The following SUSD4 variants were observed in gnomAD, a reference collection of about 807,000 sequenced individuals.
SUSD4 encodes the protein sushi domain-containing protein 4.
In SUSD4, 41 loss-of-function variants were observed where a neutral mutation model predicts 50.5. The observed-to-expected ratio is 0.81, with a 90% CI of 0.63 to 1.05. SUSD4 has a LOEUF of 1.05. Among genes scored for constraint, SUSD4 ranks in the 50% least tolerant of loss-of-function variants. The pLI, the probability that SUSD4 is intolerant of heterozygous loss-of-function variation, is 0.00. For missense variants in SUSD4, 580 were observed against 634.7 expected, an observed-to-expected ratio of 0.91 and a Z score of 0.93; for synonymous variants, 257 against 257.3, an observed-to-expected ratio of 1.00 and a Z score of 0.01.
intron 5 of SUSD4, among the ~76,000 whole-genome samples, chr1:223,251,552 TAAG>T (rs1292903059): frequency 7.9e-5 from 12 of 152,186 alleles, no homozygotes; most frequent in Admixed American, 4.6e-4. Context: ...TGTGTCCTTA[TAAG>T]AAGAAGAGGC....
In SUSD4 at chr1:223,231,049, C is replaced by A. The variant is rs747620100; in HGVS notation, c.725-1661G>T. 6.6e-6 allele frequency among the ~76,000 whole-genome samples: 1 copy of A among 152,146 alleles called. No individual in the cohort carries two copies. The highest frequency in any genetic ancestry group is 1.5e-5 in the Non-Finnish European group (1 of 68,026). On this transcript the variant is annotated intron_variant, in intron 5 of 8. Coordinates refer to ENST00000366878, the MANE Select transcript of SUSD4 (RefSeq NM_017982.4). This position sits in a 1 kb window ranked among gnomAD's most constrained non-coding sequence, Gnocchi z 4.2. ...ATTAGTGAGAGCAGGAAGCCACTAC[C>A]GCTCCTGGGCTGGTGGGATGAAGGG... is the stretch of plus-strand genomic sequence containing the variant.
intron 4 of SUSD4, among the ~76,000 whole-genome samples, chr1:223,265,286 A>C (rs1343413214): frequency 1.3e-5 from 2 of 152,254 alleles, no homozygotes; most frequent in Non-Finnish European, 2.9e-5. Flanking sequence ...CTTAGGTTCC[A>C]AACTGAATTC....
intron 7 of SUSD4, among the ~76,000 whole-genome samples, chr1:223,225,433 G>A (rs1420593925): frequency 3.9e-5 from 6 of 152,028 alleles, no homozygotes; most frequent in South Asian, 2.1e-4. Context: ...TCCTTGTCCC[G>A]CAGCTCTTAA....
chr1:223,364,343 G>A (rs1018817731), upstream of SUSD4: 1 of 146,102 alleles, frequency 6.8e-6, no homozygotes, highest in African/African-American at 2.5e-5. This position sits in a 1 kb window ranked among gnomAD's most constrained non-coding sequence, Gnocchi z 4.5. Flanking sequence ...GGCGCGGAGA[G>A]AGGGAGTGGG....
Position 223,238,278 on chromosome 1 carries a change from A to T in SUSD4, c.725-8890T>A, listed in dbSNP as rs181124275. Among the ~76,000 whole-genome samples, 237 of 151,980 alleles carry T rather than the reference A, an allele frequency of 1.6e-3. 1 individual carries two copies. The highest frequency in any genetic ancestry group is 5.5e-3 in the African/African-American group (229 of 41,526). On this transcript the variant is annotated intron_variant, in intron 5 of 8. Transcript: ENST00000366878. ...GGTTAGAGGTTTATTGATTTTATTAATCTTTTCAAATAATCAGCTTTTGAC... is the reference window on the plus strand; with the variant it reads ...GGTTAGAGGTTTATTGATTTTATTATTCTTTTCAAATAATCAGCTTTTGAC...
intron 3 of SUSD4, among the ~76,000 whole-genome samples, chr1:223,272,831 C>T (rs1663008136): frequency 6.6e-6 from 1 of 152,218 alleles, no homozygotes; most frequent in African/African-American, 2.4e-5. Flanking sequence ...ACAGAGCACT[C>T]ACTCTAGGCT....
intron 7 of SUSD4, among the ~76,000 whole-genome samples, chr1:223,223,993 G>T (rs1659319781): frequency 6.6e-6 from 1 of 152,210 alleles, no homozygotes; most frequent in Non-Finnish European, 1.5e-5. Context: ...TAACAGAGCA[G>T]CCCAGTGCAC....
chr1:223,322,548 A>C (rs1288201097), intron 2 of SUSD4, among the ~76,000 whole-genome samples: 1 of 152,200 alleles, frequency 6.6e-6, no homozygotes, highest in Non-Finnish European at 1.5e-5. Flanking sequence ...TACACAAATA[A>C]TTGTGATATA....
intron 2 of SUSD4, among the ~76,000 whole-genome samples, chr1:223,333,683 C>T (rs1667302318): frequency 1.3e-5 from 2 of 152,088 alleles, no homozygotes; most frequent in Non-Finnish European, 1.5e-5. Flanking sequence ...CCCAGAAACG[C>T]TGGGGAATTG....
intron 5 of SUSD4, among the ~76,000 whole-genome samples, chr1:223,233,823 G>A (rs918167444): frequency 6.6e-6 from 1 of 152,164 alleles, no homozygotes; most frequent in Non-Finnish European, 1.5e-5. Flanking sequence ...AGATCCTTCT[G>A]CAACTCCATT....
At chr1:223,268,382 G>A in intron 4 of SUSD4, 120 bp downstream of exon 4, 1 of 1,335,324 alleles carries the variant, frequency 7.5e-7, no homozygotes, top group Non-Finnish European at 1.0e-6. Flanking sequence ...ATGTGGGGTA[G>A]ATGGCTTTGT....
Position 223,260,537 on chromosome 1 carries a change from C to T in SUSD4, c.724+4093G>A, listed in dbSNP as rs114567822. Among the ~76,000 whole-genome samples, 208 of 152,312 alleles carry T rather than the reference C, an allele frequency of 1.4e-3. 3 individuals carry two copies. In the East Asian group the frequency reaches 0.026, roughly 19 times the overall value. On this transcript the variant is annotated intron_variant, in intron 5 of 8. Coordinates refer to ENST00000366878, the MANE Select transcript of SUSD4 (RefSeq NM_017982.4). ...CGAGAGTGGAAAGCACTAAGATACA[C>T]GCAGACAAGGCAAAGCACACAGGCC...
intron 1 of SUSD4, 114 bp downstream of exon 1, chr1:223,363,943 C>CAA (rs772073886): frequency 0.055 from 7,501 of 136,044 alleles, 253 homozygotes; most frequent in East Asian, 0.11. Context: ...TCTGCGCTGT[C>CAA]AAAAAAAAAA....
rs540495871 is a variant in SUSD4 at position 223,347,136 on chromosome 1, C to T, written c.148+16142G>A. Among the ~76,000 whole-genome samples the T allele has an allele frequency of 5.3e-5, 8 of 152,138 alleles. 1 individual carries two copies. In the South Asian group the frequency reaches 1.7e-3, roughly 32 times the overall value. ...GGTACATGAAATGTTTTGATACAGG[C>T]AAGCAATAAGCAATATGGAAAATTG... On this transcript the variant is annotated intron_variant, in intron 2 of 8. Transcript: ENST00000366878.
rs561221951 is a variant in SUSD4, at chr1:223,303,237, A to T, written c.149-10586T>A. Among the ~76,000 whole-genome samples, 5 of 152,336 alleles carry T rather than the reference A, an allele frequency of 3.3e-5. No homozygotes were observed. The East Asian group carries it at 7.7e-4, about 24-fold the overall frequency. On this transcript the variant is annotated intron_variant, in intron 2 of 8. Coordinates refer to ENST00000366878, the MANE Select transcript of SUSD4 (RefSeq NM_017982.4). Reference sequence around the variant, plus strand: ...TTCCTTGACCTCTGTTCCAGCCTAAACAATCTCTGTTTGGGAAAACTTCAG... The same window carrying T: ...TTCCTTGACCTCTGTTCCAGCCTAATCAATCTCTGTTTGGGAAAACTTCAG...
At chr1:223,224,408 T>C (rs887113987) in intron 7 of SUSD4, among the ~76,000 whole-genome samples, 3 of 152,132 alleles carry the variant, frequency 2.0e-5, no homozygotes. Flanking sequence ...TAGCTGGCCC[T>C]ATGCTCATCA....
intron 2 of SUSD4, among the ~76,000 whole-genome samples, chr1:223,330,319 T>A (rs931010707): frequency 6.6e-6 from 1 of 152,210 alleles, no homozygotes; most frequent in Admixed American, 6.5e-5. Context: ...ACAATCCACA[T>A]ATCACTGTTC....
intron 3 of SUSD4, among the ~76,000 whole-genome samples, chr1:223,269,812 C>A (rs1662780420): frequency 6.6e-6 from 1 of 152,130 alleles, no homozygotes; most frequent in Non-Finnish European, 1.5e-5. Context: ...TCCCCAAATC[C>A]TACAAAATCC....
intron 5 of SUSD4, among the ~76,000 whole-genome samples, chr1:223,263,302 G>A (rs1401907072): frequency 6.6e-6 from 1 of 152,084 alleles, no homozygotes; most frequent in African/African-American, 2.4e-5. Flanking sequence ...TTGAGGCTAG[G>A]GCGACCAGAT....
Sources: allele counts gnomAD v4.1 joint callset (sites outside exome capture counted in the v4.1 genomes callset), GRCh38; gene constraint gnomAD v4.1.1; non-coding constraint Gnocchi (gnomAD v3.1); transcripts MANE v1.5; gene names NCBI Gene and HGNC (gene_info 2026-07-23, HGNC 2026-07-21).